The following SUCO variants were observed in gnomAD, a reference collection of about 807,000 sequenced individuals.
The protein encoded by SUCO is SUN domain containing ossification factor.
SUCO carries 57 observed loss-of-function variants against 148.1 expected under a neutral mutation model. The observed-to-expected ratio is 0.38, with a 90% CI of 0.31 to 0.48. The LOEUF (loss-of-function observed/expected upper bound fraction) is 0.48. Ranked by LOEUF, SUCO falls within the 20% of genes least tolerant of loss-of-function variation. SUCO has a pLI of 0.96. For missense variants in SUCO, 1,331 were observed against 1,468.2 expected, an observed-to-expected ratio of 0.91 and a Z score of 1.53; for synonymous variants, 470 against 502.7, an observed-to-expected ratio of 0.93 and a Z score of 0.87.
At chr1:172,547,616 A>G (rs1652960288) in intron 1 of SUCO, among the ~76,000 whole-genome samples, 1 of 152,196 alleles carries the variant, frequency 6.6e-6, no homozygotes, top group African/African-American at 2.4e-5. Context: ...GTAGCCTTCA[A>G]AAATGTTAGT....
At chr1:172,568,868 AC>A (rs1654744894) in intron 6 of SUCO, 150 bp from the exon 7 acceptor site, 1 of 759,538 alleles carries the variant, frequency 1.3e-6, no homozygotes, top group African/African-American at 1.9e-5. Flanking sequence ...GTAAACCAAA[AC>A]CTTTCTTTTT....
At chr1:172,587,073 A>G (rs1656294903) in intron 17 of SUCO, among the ~76,000 whole-genome samples, 1 of 147,352 alleles carries the variant, frequency 6.8e-6, no homozygotes, top group African/African-American at 2.5e-5. Context: ...TTGGTTTTTT[A>G]TATATATATG....
Position 172,533,465 on chromosome 1 carries a change from G to A in SUCO, c.30G>A (p.Leu10=). The A allele has an allele frequency of 6.4e-7, 1 of 1,565,714 alleles. No individual in the cohort carries two copies. The highest frequency in any genetic ancestry group is 1.4e-5 in the African/African-American group (1 of 73,878). Residue 10 remains leucine, a synonymous_variant, in exon 1 of 24, where the codon CTG becomes CTA. Transcript: ENST00000263688. The part of the protein sequence containing the change: MKKHRRALA[L]VSCLFLCSLV... Reference sequence around the variant, plus strand: ...AGAAGCACCGGCGGGCCTTGGCCCTGGTCTCCTGCCTCTTTCTGTGCTCTC... The same window carrying A: ...AGAAGCACCGGCGGGCCTTGGCCCTAGTCTCCTGCCTCTTTCTGTGCTCTC...
At position 172,569,105 on chromosome 1, in the gene SUCO, A is replaced by G; in HGVS notation, c.819A>G (p.Glu273=). ...CAGAAGATATACCAACATTTGATGA[A>G]TGGAAGAAGAAAGTTATGGAAGTAG... The part of the protein sequence containing the change: ...KDPEDIPTFD[E]WKKKVMEVEK... The change falls in exon 7 of 24, where the codon GAA becomes GAG. Residue 273 remains glutamate, a synonymous_variant. Transcript: ENST00000263688. The G allele has an allele frequency of 6.3e-7, 1 of 1,580,752 alleles. No homozygotes were observed. Among genetic ancestry groups the G allele is most frequent in the Non-Finnish European group, 8.6e-7 (1 of 1,164,680 alleles).
chr1:172,566,866 C>T (rs371076420), intron 6 of SUCO, among the ~76,000 whole-genome samples: 28 of 152,304 alleles, frequency 1.8e-4, no homozygotes, highest in African/African-American at 6.7e-4. Context: ...GCATATGGTT[C>T]GGTGTCAGAG....
At chr1:172,570,789 C>T in intron 9 of SUCO, 59 bp downstream of exon 9, 1 of 1,026,170 alleles carries the variant, frequency 9.7e-7, no homozygotes, top group Non-Finnish European at 1.5e-6. Flanking sequence ...TTATGTTAAG[C>T]TTTTACATTA....
chr1:172,577,616 T>A, intron 12 of SUCO, 57 bp downstream of exon 12: 1 of 1,595,656 alleles, frequency 6.3e-7, no homozygotes, highest in Non-Finnish European at 8.5e-7. Flanking sequence ...ATTAATGCAT[T>A]ACAAAAACTT....
chr1:172,586,790 A>G (rs1656277097), intron 17 of SUCO, among the ~76,000 whole-genome samples: 1 of 152,180 alleles, frequency 6.6e-6, no homozygotes, highest in Admixed American at 6.5e-5. Flanking sequence ...TACTATTTCA[A>G]AAATGATATT....
chr1:172,548,962 C>T (rs1159123100), intron 1 of SUCO, among the ~76,000 whole-genome samples: 1 of 151,830 alleles, frequency 6.6e-6, no homozygotes, highest in African/African-American at 2.4e-5. Context: ...CTCTTTCCAC[C>T]TGTAGCTTTG....
Position 172,585,825 on chromosome 1 carries a change from T to G in SUCO, c.1568-33T>G, listed in dbSNP as rs776085886. ...ATTTTCATGGTACAGCTTTTAAAATTGAACTCAACATTGGGCATCTTTCTT... is the reference window on the plus strand; with the variant it reads ...ATTTTCATGGTACAGCTTTTAAAATGGAACTCAACATTGGGCATCTTTCTT... On this transcript the variant is annotated intron_variant, in intron 16 of 23. Coordinates refer to ENST00000263688, the MANE Select transcript of SUCO (RefSeq NM_014283.5). 6 of 1,405,492 alleles carry G rather than the reference T, an allele frequency of 4.3e-6. No homozygotes were observed. The Admixed American group carries it at 8.4e-5, about 20-fold the overall frequency. 87.1% of individuals were successfully genotyped at this position (1,405,492 alleles called of 1,614,324 possible).
intron 1 of SUCO, among the ~76,000 whole-genome samples, chr1:172,540,008 G>C (rs1318729261): frequency 6.6e-6 from 1 of 152,144 alleles, no homozygotes; most frequent in Non-Finnish European, 1.5e-5. Flanking sequence ...CATTTATTGA[G>C]TGATTATTTC....
At chr1:172,540,617 C>T (rs1652379653) in intron 1 of SUCO, among the ~76,000 whole-genome samples, 2 of 152,180 alleles carry the variant, frequency 1.3e-5, no homozygotes. Flanking sequence ...CTAGAGTTCT[C>T]AAGGAAGGCT....
intron 4 of SUCO, chr1:172,556,900 A>G (rs758592689): frequency 1.1e-6 from 1 of 944,804 alleles, no homozygotes; most frequent in Non-Finnish European, 1.3e-6. Flanking sequence ...ATATTTTAAA[A>G]ACGAAATTCT....
intron 6 of SUCO, among the ~76,000 whole-genome samples, chr1:172,567,732 A>G (rs1229808974): frequency 1.3e-5 from 2 of 152,216 alleles, no homozygotes; most frequent in Non-Finnish European, 2.9e-5. Flanking sequence ...AGATTTATAC[A>G]TGGGGTGTAT....
chr1:172,542,317 G>A (rs911061142), intron 1 of SUCO, among the ~76,000 whole-genome samples: 3 of 152,188 alleles, frequency 2.0e-5, no homozygotes, highest in African/African-American at 7.2e-5. Context: ...AGGAGACGGA[G>A]GTTGCGGTGA....
chr1:172,588,954 G>A lies in SUCO; in HGVS notation c.1853G>A (p.Ser618Asn). 3.1e-6 allele frequency: 5 copies of A among 1,611,298 alleles called. No individual in the cohort carries two copies. The highest frequency in any genetic ancestry group is 4.2e-6 in the Non-Finnish European group (5 of 1,178,728). The stretch of plus-strand genomic sequence containing the variant: ...GAGTCAGAGACACAAATATTTTGCA[G>A]TGAACTGACCACAATTTGTTGTATT... ...WFESETQIFC[S>N]ELTTICCISS... is the part of the protein sequence containing the mutation. Residue 618 changes from serine to asparagine, a missense_variant, in exon 18 of 24, where the codon AGT (serine) becomes AAT (asparagine). Coordinates refer to ENST00000263688, the MANE Select transcript of SUCO (RefSeq NM_014283.5).
At chr1:172,540,174 G>T (rs972943923) in intron 1 of SUCO, among the ~76,000 whole-genome samples, 5 of 152,208 alleles carry the variant, frequency 3.3e-5, no homozygotes, top group African/African-American at 1.2e-4. Context: ...TTACAGCCAG[G>T]AAGCAACAGA....
At chr1:172,564,007 C>T (rs113064199) in intron 6 of SUCO, among the ~76,000 whole-genome samples, 1,660 of 152,358 alleles carry the variant, frequency 0.011, 19 homozygotes, top group Non-Finnish European at 0.017. Context: ...AGGGTGCAAG[C>T]CCCGAGCCTT....
chr1:172,585,844 C>T lies in SUCO; in HGVS notation c.1568-14C>T. Reference sequence around the variant, plus strand: ...TAAAATTGAACTCAACATTGGGCATCTTTCTTAAAATAGGAAATAAAAGTA... The same window carrying T: ...TAAAATTGAACTCAACATTGGGCATTTTTCTTAAAATAGGAAATAAAAGTA... On this transcript the variant is annotated splice_polypyrimidine_tract_variant and intron_variant, in intron 16 of 23. Coordinates refer to ENST00000263688, the MANE Select transcript of SUCO (RefSeq NM_014283.5). The T allele has an allele frequency of 6.5e-7, 1 of 1,543,916 alleles. No homozygotes were observed. The highest frequency in any genetic ancestry group is 8.8e-7 in the Non-Finnish European group (1 of 1,133,024).
Sources: gnomAD v4.1 joint callset for allele counts (sites outside exome capture counted in the v4.1 genomes callset) on GRCh38, gnomAD v4.1.1 for gene constraint, MANE v1.5 for transcripts, NCBI Gene and HGNC (gene_info 2026-07-23, HGNC 2026-07-21) for gene names.